The following SDK1 variants were observed in gnomAD, a reference collection of about 807,000 sequenced individuals.
SDK1 encodes protein sidekick-1.
Under a neutral mutation model 245.5 loss-of-function variants are expected in SDK1, and 157 were observed. That is an observed-to-expected ratio of 0.64 (90% CI 0.56 to 0.73). The LOEUF is 0.73. Ranked by LOEUF, SDK1 falls within the 30% of genes least tolerant of loss-of-function variation. The pLI, the probability that SDK1 is intolerant of heterozygous loss-of-function variation, is 0.00. For synonymous variants in SDK1, 1,647 were observed against 1,278.5 expected (o/e 1.29, Z -6.15); for missense variants, 3,583 against 3,002.3 (o/e 1.19, Z -4.52).
chr7:3,581,353 A>G (rs1350982424), intron 1 of SDK1, among the ~76,000 whole-genome samples: 1 of 152,212 alleles, frequency 6.6e-6, no homozygotes, highest in Non-Finnish European at 1.5e-5. Context: ...ATGAACAGAA[A>G]CTTTTCAAAA....
chr7:3,848,342 C>G (rs1219606569), intron 5 of SDK1, among the ~76,000 whole-genome samples: 1 of 152,214 alleles, frequency 6.6e-6, no homozygotes, highest in Non-Finnish European at 1.5e-5. Context: ...TATCGGAACT[C>G]TCCAAGCATC....
rs553714816 is a variant in SDK1, at chr7:4,201,123, G to T, written c.5099-4756G>T. Reference sequence around the variant, plus strand: ...AGACACGGGGCTCTGCATTTCCTGGGTTGCTTGCTCAGGCTCTGCTGCTGG... The same window carrying T: ...AGACACGGGGCTCTGCATTTCCTGGTTTGCTTGCTCAGGCTCTGCTGCTGG... On this transcript the variant is annotated intron_variant, in intron 35 of 44. Coordinates refer to ENST00000404826, the MANE Select transcript of SDK1 (RefSeq NM_152744.4). 7.2e-5 allele frequency among the ~76,000 whole-genome samples: 11 copies of T among 152,324 alleles called. No homozygotes were observed. In the South Asian group the frequency reaches 2.3e-3, roughly 32 times the overall value.
chr7:3,687,341 A>G (rs1247457524), intron 4 of SDK1, among the ~76,000 whole-genome samples: 1 of 152,062 alleles, frequency 6.6e-6, no homozygotes, highest in East Asian at 1.9e-4. Context: ...GTTGGCCAGG[A>G]TAGTCTCCAT....
chr7:4,268,428 C>T lies in SDK1; in HGVS notation c.*3044C>T, dbSNP rs914376581. 14 of 1,109,126 alleles carry T rather than the reference C, an allele frequency of 1.3e-5. No homozygotes were observed. The African/African-American group carries it at 2.2e-4, about 17-fold the overall frequency. The allele number at this position is 1,109,126 out of a possible 1,614,324, so 68.7% of individuals were successfully genotyped here. On this transcript the variant is annotated 3_prime_UTR_variant, in exon 45 of 45. Transcript: ENST00000404826. ...AAGCCCCTCTCCCCAGCCTCGCCTT[C>T]AGCCTCTCTCCCAGCCTGCTTTTAT...
chr7:3,541,494 G>A (rs1200358908), intron 1 of SDK1, among the ~76,000 whole-genome samples: 4 of 152,096 alleles, frequency 2.6e-5, no homozygotes, highest in East Asian at 1.9e-4. Context: ...TCCTTCTTAT[G>A]AAGTCCTAGT....
At chr7:3,746,254 C>G (rs1177252139) in intron 4 of SDK1, among the ~76,000 whole-genome samples, 1 of 152,178 alleles carries the variant, frequency 6.6e-6, no homozygotes, top group African/African-American at 2.4e-5. Context: ...TTCAAAAATA[C>G]TTTATTTTAA....
Position 3,820,107 on chromosome 7 carries a change from A to T in SDK1, c.714-1343A>T, listed in dbSNP as rs369473258. Among the ~76,000 whole-genome samples, 216 of 152,278 alleles carry T rather than the reference A, an allele frequency of 1.4e-3. 1 individual carries two copies. The highest frequency in any genetic ancestry group is 4.9e-3 in the African/African-American group (204 of 41,558). ...GTGCTCAGAATGCATCTTACCTTCT[A>T]TGCCAAATTCACCAGCCAATGAATA... On this transcript the variant is annotated intron_variant, in intron 4 of 44. Coordinates refer to ENST00000404826, the MANE Select transcript of SDK1 (RefSeq NM_152744.4).
At chr7:3,760,499 T>C (rs962494924) in intron 4 of SDK1, among the ~76,000 whole-genome samples, 3 of 152,258 alleles carry the variant, frequency 2.0e-5, no homozygotes, top group Admixed American at 1.3e-4. Flanking sequence ...ACCTATGAAG[T>C]GTTCGGTCAC....
At chr7:4,174,712 C>T (rs1474633669) in intron 33 of SDK1, among the ~76,000 whole-genome samples, 1 of 152,120 alleles carries the variant, frequency 6.6e-6, no homozygotes, top group South Asian at 2.1e-4. Context: ...AAACCCAAGT[C>T]CAGGGACAGG....
chr7:3,611,233 A>G (rs550977037), intron 1 of SDK1, among the ~76,000 whole-genome samples: 4 of 152,348 alleles, frequency 2.6e-5, no homozygotes, highest in South Asian at 2.1e-4. Flanking sequence ...AATATTTATG[A>G]TAAGCTAAAG....
intron 14 of SDK1, among the ~76,000 whole-genome samples, chr7:4,005,964 T>A (rs1403305034): frequency 7.3e-6 from 1 of 136,178 alleles, no homozygotes; most frequent in African/African-American, 3.0e-5. Flanking sequence ...GAAAAGAACA[T>A]GACTAAGGCA....
chr7:4,046,820 A>ATT (rs36034512), intron 17 of SDK1, among the ~76,000 whole-genome samples: 5,805 of 147,742 alleles, frequency 0.039, 191 homozygotes, highest in African/African-American at 0.084. Context: ...TCTAGCTGTG[A>ATT]TTTTTTTTTT....
At chr7:4,024,680 A>G (rs1787193769) in intron 17 of SDK1, among the ~76,000 whole-genome samples, 1 of 152,204 alleles carries the variant, frequency 6.6e-6, no homozygotes, top group African/African-American at 2.4e-5. Context: ...TATTGGACAG[A>G]GGCAAAGATG....
chr7:4,019,523 T>C (rs1786698603), intron 17 of SDK1, among the ~76,000 whole-genome samples: 1 of 152,108 alleles, frequency 6.6e-6, no homozygotes, highest in African/African-American at 2.4e-5. Context: ...TACTAAATTA[T>C]GCATTGCTCT....
chr7:3,585,987 G>C (rs975340146), intron 1 of SDK1, among the ~76,000 whole-genome samples: 2 of 152,180 alleles, frequency 1.3e-5, no homozygotes, highest in African/African-American at 4.8e-5. Flanking sequence ...TCAGCTTTCG[G>C]ATATGCAAAT....
intron 5 of SDK1, among the ~76,000 whole-genome samples, chr7:3,921,853 C>T (rs761301559): frequency 8.5e-5 from 13 of 152,186 alleles, no homozygotes; most frequent in Non-Finnish European, 1.8e-4. Context: ...GTGGTCCCAG[C>T]TTCTTGGGAG....
At chr7:3,675,234 C>T (rs1457358448) in intron 4 of SDK1, among the ~76,000 whole-genome samples, 1 of 152,148 alleles carries the variant, frequency 6.6e-6, no homozygotes, top group Non-Finnish European at 1.5e-5. Context: ...CCCATAGCCA[C>T]AGAAAAACCT....
At chr7:3,499,799 T>C (rs1782140561) in intron 1 of SDK1, among the ~76,000 whole-genome samples, 1 of 152,140 alleles carries the variant, frequency 6.6e-6, no homozygotes, top group African/African-American at 2.4e-5. Flanking sequence ...CAAGAATGGG[T>C]CCTGGGAAAC....
chr7:3,376,834 TCTTC>T (rs1424423927), intron 1 of SDK1, among the ~76,000 whole-genome samples: 3 of 152,314 alleles, frequency 2.0e-5, no homozygotes, highest in Non-Finnish European at 2.9e-5. Context: ...TGTCAAATTT[TCTTC>T]CTTTTTCTTT....
Sources: allele counts gnomAD v4.1 joint callset (sites outside exome capture counted in the v4.1 genomes callset), GRCh38; gene constraint gnomAD v4.1.1; transcripts MANE v1.5; gene names NCBI Gene and HGNC (gene_info 2026-07-23, HGNC 2026-07-21).